The following GPR137B variants were observed in gnomAD, a reference collection of about 807,000 sequenced individuals.
GPR137B encodes G protein-coupled receptor 137B.
In GPR137B, 42 loss-of-function variants were observed where a neutral mutation model predicts 42.5. The observed-to-expected ratio is 0.99, with a 90% CI of 0.77 to 1.28. GPR137B has a LOEUF of 1.28. Ranked by LOEUF, GPR137B falls within the 50% of genes most tolerant of loss-of-function variation. GPR137B has a pLI of 0.00. For synonymous variants in GPR137B, 218 were observed against 209.7 expected (o/e 1.04, Z -0.34); for missense variants, 487 against 493.9 (o/e 0.99, Z 0.13).
rs1662000459 is a variant in GPR137B at position 236,155,602 on chromosome 1, G to GTTCT, written c.414+12566_414+12567insTTCT. On this transcript the variant is annotated intron_variant, in intron 1 of 6. Coordinates refer to ENST00000366592, the MANE Select transcript of GPR137B (RefSeq NM_003272.4). This position sits in a 1 kb window ranked among gnomAD's most constrained non-coding sequence, Gnocchi z 4.6. ...CTGACTTATCAATGTGGGGGCTCAGGGCCACCCTGAGTTCTGCCTTCTGGG... is the reference window on the plus strand; with the variant it reads ...CTGACTTATCAATGTGGGGGCTCAGGTTCTGCCACCCTGAGTTCTGCCTTCTGGG... Among the ~76,000 whole-genome samples, 1 of 152,082 alleles carries GTTCT rather than the reference G, an allele frequency of 6.6e-6. No homozygotes were observed. The highest frequency in any genetic ancestry group is 6.6e-5 in the Admixed American group (1 of 15,266).
intron 1 of GPR137B, among the ~76,000 whole-genome samples, chr1:236,148,153 G>A (rs1270118621): frequency 1.3e-5 from 2 of 152,224 alleles, no homozygotes; most frequent in African/African-American, 4.8e-5. Flanking sequence ...TAGGAGAGGG[G>A]CAGGACTCTG....
chr1:236,204,758 G>A (rs1663604342), intron 5 of GPR137B, among the ~76,000 whole-genome samples: 1 of 152,026 alleles, frequency 6.6e-6, no homozygotes, highest in African/African-American at 2.4e-5. Context: ...TGGTCTGTTC[G>A]GGTTTTAGTC....
At chr1:236,168,796 A>C (rs1356416791) in intron 2 of GPR137B, 41 bp downstream of exon 2, 1 of 1,341,072 alleles carries the variant, frequency 7.5e-7, no homozygotes, top group African/African-American at 1.4e-5. Flanking sequence ...TAGAAGGGGA[A>C]AGTGCCGACA....
intron 5 of GPR137B, among the ~76,000 whole-genome samples, chr1:236,189,810 T>C (rs1454768098): frequency 1.3e-5 from 2 of 152,216 alleles, no homozygotes; most frequent in African/African-American, 4.8e-5. Context: ...TGGAGAGTTC[T>C]GTAGATGTCT....
intron 1 of GPR137B, among the ~76,000 whole-genome samples, chr1:236,145,002 G>C (rs1045726942): frequency 6.6e-6 from 1 of 152,218 alleles, no homozygotes; most frequent in Non-Finnish European, 1.5e-5. Context: ...GAGCCACTCC[G>C]GCCCAGGGGC....
intron 2 of GPR137B, among the ~76,000 whole-genome samples, chr1:236,178,099 G>A (rs574529625): frequency 1.3e-5 from 2 of 152,122 alleles, no homozygotes; most frequent in South Asian, 4.2e-4. Context: ...ACGCCATCCC[G>A]AGCTGTGCTC....
In GPR137B at chr1:236,142,836, C is replaced by T. The variant is rs1661563053; in HGVS notation, c.214C>T (p.His72Tyr). 1.9e-6 allele frequency: 3 copies of T among 1,614,178 alleles called. No homozygotes were observed. Among genetic ancestry groups the T allele is most frequent in the Non-Finnish European group, 2.5e-6 (3 of 1,179,988 alleles). Reference protein sequence around the residue: ...VQLWLVLRYRHKRLSYQSVFL... With the variant: ...VQLWLVLRYRYKRLSYQSVFL... ...GCTCTGGCTGGTGCTGCGTTACCGC[C>T]ACAAGCGGCTCAGCTACCAGAGCGT... The change falls in exon 1 of 7, where the codon CAC becomes TAC. Residue 72 changes from histidine to tyrosine, a missense_variant. Transcript: ENST00000366592.
At chr1:236,172,949 C>G (rs1662585925) in intron 2 of GPR137B, among the ~76,000 whole-genome samples, 1 of 151,544 alleles carries the variant, frequency 6.6e-6, no homozygotes, top group Admixed American at 6.6e-5. Context: ...GCCTCAGCCT[C>G]CCAGAGTGCT....
At chr1:236,169,466 G>T (rs1338794560) in intron 2 of GPR137B, among the ~76,000 whole-genome samples, 1 of 152,236 alleles carries the variant, frequency 6.6e-6, no homozygotes, top group African/African-American at 2.4e-5. Context: ...GGAAGAATGT[G>T]TTATAGCTGA....
chr1:236,170,850 C>T (rs1251096666), intron 2 of GPR137B, among the ~76,000 whole-genome samples: 1 of 151,662 alleles, frequency 6.6e-6, no homozygotes, highest in Non-Finnish European at 1.5e-5. Flanking sequence ...GTTGCAGGTG[C>T]CTGTAATCCC....
chr1:236,197,651 C>T (rs556569780), intron 5 of GPR137B, among the ~76,000 whole-genome samples: 4 of 152,192 alleles, frequency 2.6e-5, no homozygotes, highest in Admixed American at 2.0e-4. Flanking sequence ...GTGTCCTTTC[C>T]CCACTTTATG....
At chr1:236,161,432 A>G (rs1169245517) in intron 1 of GPR137B, among the ~76,000 whole-genome samples, 5 of 151,232 alleles carry the variant, frequency 3.3e-5, no homozygotes, top group Non-Finnish European at 5.9e-5. Flanking sequence ...CCACGCCTCC[A>G]TGCACTTTTC....
intron 2 of GPR137B, among the ~76,000 whole-genome samples, chr1:236,174,426 C>T (rs971360716): frequency 6.6e-6 from 1 of 152,124 alleles, no homozygotes; most frequent in Non-Finnish European, 1.5e-5. Flanking sequence ...TGAGCTGCCT[C>T]TTGAGTGCTG....
rs538087768 is a variant in GPR137B, at chr1:236,171,789, A to G, written c.464+3034A>G. Among the ~76,000 whole-genome samples the G allele has an allele frequency of 6.6e-6, 1 of 152,320 alleles. No individual in the cohort carries two copies. The highest frequency in any genetic ancestry group is 2.1e-4 in the South Asian group (1 of 4,820). On this transcript the variant is annotated intron_variant, in intron 2 of 6. Coordinates refer to ENST00000366592, the MANE Select transcript of GPR137B (RefSeq NM_003272.4). The surrounding 1 kb of genome is among the most constrained non-coding windows in gnomAD (Gnocchi z 4.4). ...ACTGGGCGCGGTGGCTCATGCCTGT[A>G]ATCCCAGCACTTTGGGAGGCCGAGG... is the stretch of plus-strand genomic sequence containing the variant.
rs1661817012 is a variant in GPR137B, at chr1:236,150,277, C to T, written c.414+7241C>T. 1.4e-5 allele frequency among the ~76,000 whole-genome samples: 2 copies of T among 139,008 alleles called. No homozygotes were observed. Among genetic ancestry groups the T allele is most frequent in the Admixed American group, 1.4e-4 (2 of 13,872 alleles). 91.2% of individuals were successfully genotyped at this position (139,008 alleles called of 152,430 possible). A position where few individuals can be genotyped will look rare whatever the true frequency, so the allele number is the denominator to read the frequency against. ...TGCCTGTGTTTGTGTGTGTCTGTGC[C>T]TGTGTGTGTCTTTGCCTGTGTTTGT... On this transcript the variant is annotated intron_variant, in intron 1 of 6. Transcript: ENST00000366592. This position sits in a 1 kb window ranked among gnomAD's most constrained non-coding sequence, Gnocchi z 6.2.
chr1:236,207,685 G>C (rs1663702994), intron 6 of GPR137B, among the ~76,000 whole-genome samples: 1 of 152,228 alleles, frequency 6.6e-6, no homozygotes, highest in African/African-American at 2.4e-5. Flanking sequence ...CCCATTCTAA[G>C]ATGAGGAAAT....
chr1:236,165,482 G>T (rs1483978604), intron 1 of GPR137B, among the ~76,000 whole-genome samples: 2 of 152,154 alleles, frequency 1.3e-5, no homozygotes, highest in African/African-American at 4.8e-5. Context: ...GAACTCCAGG[G>T]CCCTCTTGTA....
At chr1:236,207,506 C>T (rs904913200) in intron 6 of GPR137B, among the ~76,000 whole-genome samples, 4 of 152,110 alleles carry the variant, frequency 2.6e-5, no homozygotes, top group Admixed American at 6.5e-5. Context: ...TCCTCACTAC[C>T]GATATGGTGA....
At chr1:236,178,785 GT>G (rs3082534) in intron 3 of GPR137B, 149 bp downstream of exon 3, 1,893 of 49,480 alleles carry the variant, frequency 0.038, 170 homozygotes, top group South Asian at 0.092. Flanking sequence ...GCTACTCGAG[GT>G]TTTTTTTTTT....
Sources: gnomAD v4.1 joint callset for allele counts (sites outside exome capture counted in the v4.1 genomes callset) on GRCh38, gnomAD v4.1.1 for gene constraint, Gnocchi (gnomAD v3.1) non-coding constraint, MANE v1.5 for transcripts, NCBI Gene and HGNC (gene_info 2026-07-23, HGNC 2026-07-21) for gene names.